COL21A1: variants seen among roughly 807,000 people sequenced by gnomAD.
The protein encoded by COL21A1 is collagen alpha-1(XXI) chain.
A neutral mutation model predicts 137.9 loss-of-function variants in COL21A1; 149 were observed. That is an observed-to-expected ratio of 1.08 (90% CI 0.95 to 1.24). The LOEUF is 1.24. COL21A1 is among the 50% of genes most tolerant of loss of function. The probability of loss-of-function intolerance (pLI) is 0.00; values close to 1 mark genes in which losing one functional copy is unlikely to be tolerated. For synonymous variants in COL21A1, 456 were observed against 391.5 expected, an observed-to-expected ratio of 1.16 and a Z score of -1.95; for missense variants, 1,167 against 1,158.4, an observed-to-expected ratio of 1.01 and a Z score of -0.11.
chr6:56,162,238 T>C (rs561263542), intron 9 of COL21A1, among the ~76,000 whole-genome samples: 9 of 152,204 alleles, frequency 5.9e-5, no homozygotes, highest in Admixed American at 4.6e-4. Context: ...CCTAAATGGA[T>C]GGAAGAGTGT....
intron 1 of COL21A1, among the ~76,000 whole-genome samples, chr6:56,391,627 T>C (rs1470112435): frequency 6.6e-6 from 1 of 151,918 alleles, no homozygotes; most frequent in Non-Finnish European, 1.5e-5. Context: ...CTACAGAAAT[T>C]CAAGGATTAT....
chr6:56,220,775 G>C (rs1780779409), intron 1 of COL21A1, among the ~76,000 whole-genome samples: 1 of 152,070 alleles, frequency 6.6e-6, no homozygotes, highest in Admixed American at 6.6e-5. Flanking sequence ...CCAGGCAATG[G>C]ACTAAGCAAT....
chr6:56,148,789 A>T (rs1582484747), intron 10 of COL21A1, among the ~76,000 whole-genome samples: 1 of 152,262 alleles, frequency 6.6e-6, no homozygotes, highest in East Asian at 1.9e-4. Flanking sequence ...CCATTCTTGA[A>T]TATTTCAAAG....
intron 1 of COL21A1, among the ~76,000 whole-genome samples, chr6:56,261,057 CT>C (rs1321703244): frequency 7.8e-5 from 3 of 38,580 alleles, no homozygotes; most frequent in Non-Finnish European, 1.6e-4. Flanking sequence ...TGACACTTCA[CT>C]TTTTATAGAA....
At chr6:56,356,920 A>G (rs1765846667) in intron 1 of COL21A1, among the ~76,000 whole-genome samples, 1 of 152,208 alleles carries the variant, frequency 6.6e-6, no homozygotes, top group African/African-American at 2.4e-5. Flanking sequence ...AGAAATCAAA[A>G]CTAGAGGTCA....
chr6:56,361,514 A>G (rs1224200058), intron 1 of COL21A1, among the ~76,000 whole-genome samples: 1 of 152,180 alleles, frequency 6.6e-6, no homozygotes, highest in Non-Finnish European at 1.5e-5. Context: ...TACCTGTTTG[A>G]AATGATGTAG....
At chr6:56,281,760 C>T (rs1490403074) in intron 1 of COL21A1, among the ~76,000 whole-genome samples, 1 of 152,070 alleles carries the variant, frequency 6.6e-6, no homozygotes, top group Non-Finnish European at 1.5e-5. Flanking sequence ...ATACCTGATC[C>T]TTGTATTAAT....
chr6:56,148,370 A>AGAGAGAGAGAGAGAGAC (rs1471650902), intron 10 of COL21A1, among the ~76,000 whole-genome samples: 2 of 25,448 alleles, frequency 7.9e-5, no homozygotes, highest in Non-Finnish European at 2.0e-4. Flanking sequence ...GAGAGAGAGA[A>AGAGAGAGAGAGAGAGAC]ACACATAAAA....
chr6:56,162,713 T>C (rs1045770352), intron 9 of COL21A1, among the ~76,000 whole-genome samples: 2 of 152,202 alleles, frequency 1.3e-5, no homozygotes, highest in African/African-American at 4.8e-5. Flanking sequence ...CTCATGCAGG[T>C]CAAATTACTT....
Position 56,069,194 on chromosome 6 carries a change from T to G in COL21A1, c.2020-77A>C, listed in dbSNP as rs988734146. 71 of 820,546 alleles carry G rather than the reference T, an allele frequency of 8.7e-5. No homozygotes were observed. In the African/African-American group the frequency reaches 1.2e-3, roughly 13 times the overall value. 50.8% of individuals were successfully genotyped at this position (820,546 alleles called of 1,614,324 possible). On this transcript the variant is annotated intron_variant, in intron 21 of 29. Coordinates refer to ENST00000244728, the MANE Select transcript of COL21A1 (RefSeq NM_030820.4). ...GCACCACTGTTTTTATCTCTACATA[T>G]CTCAATTTTAAAATGAATGGTTAAA...
At chr6:56,364,001 A>G (rs1355291336) in intron 1 of COL21A1, among the ~76,000 whole-genome samples, 1 of 152,260 alleles carries the variant, frequency 6.6e-6, no homozygotes, top group Non-Finnish European at 1.5e-5. Context: ...GATGGCTGAC[A>G]TAATCAGCAA....
At chr6:56,123,311 T>G (rs914285625) in intron 16 of COL21A1, among the ~76,000 whole-genome samples, 1 of 152,206 alleles carries the variant, frequency 6.6e-6, no homozygotes, top group Admixed American at 6.5e-5. Flanking sequence ...AAGTGTTGCC[T>G]CAAAGTATAC....
chr6:56,222,480 A>G (rs1780898615), intron 1 of COL21A1, among the ~76,000 whole-genome samples: 1 of 152,160 alleles, frequency 6.6e-6, no homozygotes, highest in East Asian at 1.9e-4. Context: ...AAATTGTTAT[A>G]TAAGTCTTTA....
chr6:56,100,992 TG>T (rs1562197692), intron 17 of COL21A1, among the ~76,000 whole-genome samples: 1 of 152,162 alleles, frequency 6.6e-6, no homozygotes, highest in African/African-American at 2.4e-5. Context: ...GAATAAAATG[TG>T]GGGGCAAACT....
At chr6:56,084,177 T>A (rs1313872047) in intron 17 of COL21A1, among the ~76,000 whole-genome samples, 1 of 151,670 alleles carries the variant, frequency 6.6e-6, no homozygotes, top group East Asian at 1.9e-4. Flanking sequence ...CTTATAGGGA[T>A]ATATCCCTTG....
chr6:56,179,073 A>G (rs1379841439), intron 3 of COL21A1, among the ~76,000 whole-genome samples: 1 of 152,036 alleles, frequency 6.6e-6, no homozygotes, highest in African/African-American at 2.4e-5. Context: ...AGAGTATAAA[A>G]ATTGTATACA....
chr6:56,078,293 A>G, intron 17 of COL21A1: 1 of 447,612 alleles, frequency 2.2e-6, no homozygotes, highest in South Asian at 1.6e-5. Flanking sequence ...CTTTTGATGC[A>G]TTTACCCAAC....
chr6:56,215,758 T>C (rs1189590343), intron 1 of COL21A1, among the ~76,000 whole-genome samples: 58 of 152,090 alleles, frequency 3.8e-4, no homozygotes, highest in Non-Finnish European at 8.8e-5. Flanking sequence ...TTCCCTTCCT[T>C]TAAATTTTTT....
chr6:56,272,131 C>A (rs914777394), intron 1 of COL21A1, among the ~76,000 whole-genome samples: 13 of 152,194 alleles, frequency 8.5e-5, no homozygotes, highest in African/African-American at 3.1e-4. Flanking sequence ...AAGGTAGATC[C>A]ACTGACAGCT....
Sources: allele counts gnomAD v4.1 joint callset (sites outside exome capture counted in the v4.1 genomes callset), GRCh38; gene constraint gnomAD v4.1.1; transcripts MANE v1.5; gene names NCBI Gene and HGNC (gene_info 2026-07-23, HGNC 2026-07-21).